SAMMSON: variants seen among roughly 807,000 people sequenced by gnomAD.
The protein encoded by SAMMSON is survival associated mitochondrial melanoma specific oncogenic non-coding RNA, also known as long intergenic non-protein coding RNA 1212.
intron 9 of SAMMSON, among the ~76,000 whole-genome samples, chr3:70,375,367 A>T (rs1426114367): frequency 7.0e-6 from 1 of 142,772 alleles, no homozygotes; most frequent in Non-Finnish European, 1.5e-5. Flanking sequence ...ACATTTTATG[A>T]TGTGTGTTTT....
chr3:70,078,340 A>AC lies in SAMMSON; in HGVS notation n.507+6775_507+6776insC, dbSNP rs113202947. ...TCTTGCAGCTAGGGTTCTGCAAAAAAATTAGGTTCACATAGGTGCATGCAG... is the reference window on the plus strand; with the variant it reads ...TCTTGCAGCTAGGGTTCTGCAAAAAACATTAGGTTCACATAGGTGCATGCAG... On this transcript the variant is annotated intron_variant and non_coding_transcript_variant, in intron 4 of 9. Coordinates refer to ENST00000642114, the Ensembl canonical transcript of SAMMSON. Among the ~76,000 whole-genome samples the AC allele has an allele frequency of 7.2e-3, 1,089 of 152,252 alleles. 17 individuals are homozygous for AC. Among genetic ancestry groups the AC allele is most frequent in the African/African-American group, 0.025 (1,031 of 41,538 alleles).
intron 4 of SAMMSON, among the ~76,000 whole-genome samples, chr3:70,195,782 G>T (rs1213201521): frequency 6.6e-6 from 1 of 152,126 alleles, no homozygotes. Flanking sequence ...CTATAGAATT[G>T]TTTCTACAGA....
intron 1 of SAMMSON, among the ~76,000 whole-genome samples, chr3:70,002,583 G>A (rs1353672354): frequency 6.6e-6 from 1 of 152,060 alleles, no homozygotes; most frequent in Non-Finnish European, 1.5e-5. Context: ...TTTTTGAAGA[G>A]GATTATTATC....
intron 7 of SAMMSON, among the ~76,000 whole-genome samples, chr3:70,338,731 A>G (rs1411225066): frequency 6.6e-6 from 1 of 152,150 alleles, no homozygotes; most frequent in Admixed American, 6.6e-5. Context: ...ACTACAAACC[A>G]CTGCTCAAGG....
At chr3:70,310,074 A>G (rs933930976) in intron 7 of SAMMSON, among the ~76,000 whole-genome samples, 5 of 152,196 alleles carry the variant, frequency 3.3e-5, no homozygotes, top group Non-Finnish European at 7.3e-5. Context: ...TTTGAGATTC[A>G]TAAGAAAAAC....
At chr3:70,363,602 G>A (rs1285226027) in intron 9 of SAMMSON, among the ~76,000 whole-genome samples, 1 of 151,974 alleles carries the variant, frequency 6.6e-6, no homozygotes, top group African/African-American at 2.4e-5. Flanking sequence ...CTATGTATGT[G>A]CATGAACATT....
At chr3:70,392,032 C>T (rs1701052986), downstream of SAMMSON, among the ~76,000 whole-genome samples, 1 of 152,132 alleles carries the variant, frequency 6.6e-6, no homozygotes. Context: ...TGGCCGCCTT[C>T]CTGTGTCCAA....
At chr3:70,384,578 G>T (rs1703104754) in intron 9 of SAMMSON, among the ~76,000 whole-genome samples, 1 of 151,986 alleles carries the variant, frequency 6.6e-6, no homozygotes, top group South Asian at 2.1e-4. Context: ...GCAAATTATT[G>T]TAAATCCATT....
intron 7 of SAMMSON, among the ~76,000 whole-genome samples, chr3:70,337,459 G>C (rs550389279): frequency 6.6e-6 from 1 of 151,688 alleles, no homozygotes; most frequent in South Asian, 2.1e-4. Flanking sequence ...CATTTCAGCT[G>C]TTAATTTTCT....
At chr3:70,122,080 G>A (rs957347428) in intron 4 of SAMMSON, among the ~76,000 whole-genome samples, 3 of 151,892 alleles carry the variant, frequency 2.0e-5, no homozygotes, top group African/African-American at 7.3e-5. Context: ...CATTTACTTT[G>A]GAATTAATAA....
At chr3:70,305,496 AGT>A (rs1405496718) in intron 7 of SAMMSON, among the ~76,000 whole-genome samples, 2 of 152,204 alleles carry the variant, frequency 1.3e-5, no homozygotes, top group Non-Finnish European at 2.9e-5. Flanking sequence ...GAATTATCTG[AGT>A]GAGAGAATTA....
chr3:70,002,676 CT>C (rs538806018), intron 1 of SAMMSON, among the ~76,000 whole-genome samples: 4 of 151,992 alleles, frequency 2.6e-5, no homozygotes, highest in Non-Finnish European at 5.9e-5. Flanking sequence ...GGATTTTCTA[CT>C]TTTTTTTGTT....
chr3:70,300,912 A>T (rs532162312), intron 7 of SAMMSON, among the ~76,000 whole-genome samples: 2 of 151,934 alleles, frequency 1.3e-5, no homozygotes, highest in African/African-American at 2.4e-5. Context: ...TGCTGTTTTT[A>T]AAAAAAAGTC....
chr3:70,049,204 C>G (rs1039404109), intron 3 of SAMMSON, among the ~76,000 whole-genome samples: 1 of 152,076 alleles, frequency 6.6e-6, no homozygotes, highest in Non-Finnish European at 1.5e-5. Context: ...ATTGTCGGGA[C>G]AAGTAGTCAC....
At chr3:70,111,855 G>A (rs1265216956) in intron 4 of SAMMSON, among the ~76,000 whole-genome samples, 2 of 152,034 alleles carry the variant, frequency 1.3e-5, no homozygotes, top group African/African-American at 4.8e-5. Flanking sequence ...GAGAGACAGA[G>A]AACGAGAAAG....
chr3:70,259,983 C>T (rs568889396), intron 6 of SAMMSON, among the ~76,000 whole-genome samples: 1 of 152,226 alleles, frequency 6.6e-6, no homozygotes, highest in African/African-American at 2.4e-5. Flanking sequence ...AACCCACTCA[C>T]TATCACGAGA....
At chr3:70,403,853 A>G (rs947559103) in intron 2 of SAMMSON, among the ~76,000 whole-genome samples, 9 of 152,188 alleles carry the variant, frequency 5.9e-5, no homozygotes, top group African/African-American at 2.2e-4. Context: ...TATGTGTGAT[A>G]CTTATGATCC....
Position 70,229,237 on chromosome 3 carries a change from A to C in SAMMSON, n.508-19870A>C, listed in dbSNP as rs564613847. On this transcript the variant is annotated intron_variant and non_coding_transcript_variant, in intron 4 of 9. Coordinates refer to ENST00000642114, the Ensembl canonical transcript of SAMMSON. ...AGGAGGAATGGTCAGGAAGCAAGAG[A>C]AAATTCCAGAGATAGCCAAGGAGGG... Among the ~76,000 whole-genome samples, 5 of 152,324 alleles carry C rather than the reference A, an allele frequency of 3.3e-5. No individual in the cohort carries two copies. In the South Asian group the frequency reaches 1.0e-3, roughly 32 times the overall value.
At chr3:70,267,277 T>C (rs537953909) in intron 6 of SAMMSON, among the ~76,000 whole-genome samples, 43 of 152,086 alleles carry the variant, frequency 2.8e-4, no homozygotes, top group Admixed American at 6.5e-4. Context: ...AATCTTAATA[T>C]TGTGAAGGTA....
Sources: allele counts gnomAD v4.1 joint callset (sites outside exome capture counted in the v4.1 genomes callset), GRCh38; gene constraint gnomAD v4.1.1; transcripts MANE v1.5; gene names NCBI Gene and HGNC (gene_info 2026-07-23, HGNC 2026-07-21).